The following PIK3CB variants were observed in gnomAD, a reference collection of about 807,000 sequenced individuals.
PIK3CB encodes phosphatidylinositol 4,5-bisphosphate 3-kinase catalytic subunit beta isoform.
PIK3CB carries 39 observed loss-of-function variants against 136.8 expected under a neutral mutation model. The observed-to-expected ratio is 0.29, with a 90% CI of 0.22 to 0.37. The LOEUF is 0.37. Among genes scored for constraint, PIK3CB ranks in the 10% least tolerant of loss-of-function variants. The probability of loss-of-function intolerance (pLI) is 1.00; values close to 1 mark genes in which losing one functional copy is unlikely to be tolerated. For synonymous variants in PIK3CB, 428 were observed against 436.6 expected (o/e 0.98, Z 0.25); for missense variants, 868 against 1,275.4 (o/e 0.68, Z 4.87).
chr3:138,785,124 C>T (rs569157115), intron 2 of PIK3CB, among the ~76,000 whole-genome samples: 151 of 151,732 alleles, frequency 1.0e-3, no homozygotes, highest in African/African-American at 3.6e-3. Flanking sequence ...CTCGGCCAGC[C>T]GCCCCGTCCG....
rs574045623 is a variant in PIK3CB, at chr3:138,656,342, A to G, written c.2943-68T>C. 160 of 1,528,198 alleles carry G rather than the reference A, an allele frequency of 1.0e-4. 1 individual carries two copies. The East Asian group carries it at 2.6e-3, about 25-fold the overall frequency. 94.7% of individuals were successfully genotyped at this position (1,528,198 alleles called of 1,614,324 possible). A position where few individuals can be genotyped will look rare whatever the true frequency, so the allele number is the denominator to read the frequency against. Reference sequence around the variant, plus strand: ...GGAGAGAGCACATTTCATACAGGAAATTAAGAAAACACAGCTAGACTTTCT... The same window carrying G: ...GGAGAGAGCACATTTCATACAGGAAGTTAAGAAAACACAGCTAGACTTTCT... On this transcript the variant is annotated intron_variant, in intron 22 of 23. Coordinates refer to ENST00000674063, the MANE Select transcript of PIK3CB (RefSeq NM_006219.3).
At chr3:138,662,092 T>C (rs80269044) in intron 21 of PIK3CB, among the ~76,000 whole-genome samples, 3,537 of 151,904 alleles carry the variant, frequency 0.023, 326 homozygotes, top group Admixed American at 0.17. Context: ...ATCCCAACTT[T>C]TTTTTTTTAG....
At chr3:138,806,730 G>T (rs2046238379) in intron 1 of PIK3CB, among the ~76,000 whole-genome samples, 1 of 152,122 alleles carries the variant, frequency 6.6e-6, no homozygotes, top group Non-Finnish European at 1.5e-5. Flanking sequence ...TGTATTAGGA[G>T]GATAGTGAGA....
At chr3:138,719,799 T>G (rs994882758) in intron 8 of PIK3CB, among the ~76,000 whole-genome samples, 1 of 152,054 alleles carries the variant, frequency 6.6e-6, no homozygotes, top group African/African-American at 2.4e-5. Flanking sequence ...TTAAACACAT[T>G]ACCAAAAATT....
chr3:138,737,968 A>T, intron 5 of PIK3CB, 82 bp from the exon 6 acceptor site: 2 of 790,992 alleles, frequency 2.5e-6, no homozygotes, highest in Non-Finnish European at 3.9e-6. Context: ...TTATGTAATA[A>T]TATGTACAAA....
At chr3:138,673,648 A>G (rs2043584673) in intron 19 of PIK3CB, among the ~76,000 whole-genome samples, 1 of 152,106 alleles carries the variant, frequency 6.6e-6, no homozygotes, top group Non-Finnish European at 1.5e-5. Flanking sequence ...AAATAAAACA[A>G]AGGCTTGCAG....
intron 4 of PIK3CB, among the ~76,000 whole-genome samples, chr3:138,745,855 G>A (rs780953029): frequency 1.3e-5 from 2 of 152,160 alleles, no homozygotes; most frequent in Non-Finnish European, 2.9e-5. Context: ...ACAGTAGTTA[G>A]CCTTCCTGTC....
chr3:138,775,684 G>C lies in PIK3CB; in HGVS notation c.-16-16325C>G, dbSNP rs187282004. ...CTCACTGCCCCAGCCTATGACCTGT[G>C]CATAATGGGATGAGTACTGGGAGTT... On this transcript the variant is annotated intron_variant, in intron 2 of 23. Coordinates refer to ENST00000674063, the MANE Select transcript of PIK3CB (RefSeq NM_006219.3). Among the ~76,000 whole-genome samples the C allele has an allele frequency of 1.3e-3, 191 of 152,176 alleles. 1 individual carries two copies. The highest frequency in any genetic ancestry group is 2.2e-3 in the Non-Finnish European group (151 of 68,008).
At chr3:138,724,263 T>C (rs1011797930) in intron 8 of PIK3CB, among the ~76,000 whole-genome samples, 1 of 152,178 alleles carries the variant, frequency 6.6e-6, no homozygotes, top group African/African-American at 2.4e-5. Flanking sequence ...TACCCATTTA[T>C]TATAAAGGAT....
At chr3:138,815,829 A>G (rs1933300734) in intron 1 of PIK3CB, among the ~76,000 whole-genome samples, 1 of 152,204 alleles carries the variant, frequency 6.6e-6, no homozygotes, top group Non-Finnish European at 1.5e-5. Flanking sequence ...CCTGAAACCA[A>G]TCCTTCACAG....
At chr3:138,765,034 T>A (rs1050728376) in intron 2 of PIK3CB, among the ~76,000 whole-genome samples, 1 of 152,162 alleles carries the variant, frequency 6.6e-6, no homozygotes, top group Non-Finnish European at 1.5e-5. Flanking sequence ...CCACAGAATT[T>A]GTAAGAAGGA....
intron 1 of PIK3CB, among the ~76,000 whole-genome samples, chr3:138,822,021 C>A (rs1338359640): frequency 6.6e-6 from 1 of 151,830 alleles, no homozygotes; most frequent in Non-Finnish European, 1.5e-5. Flanking sequence ...TGTGGTAGCA[C>A]ACACTTATAA....
intron 21 of PIK3CB, among the ~76,000 whole-genome samples, chr3:138,660,580 C>T (rs2043278901): frequency 6.6e-6 from 1 of 152,016 alleles, no homozygotes; most frequent in Admixed American, 6.6e-5. Flanking sequence ...AGATACTGGT[C>T]AAATAATACA....
chr3:138,778,606 G>T, intron 2 of PIK3CB: 1 of 211,390 alleles, frequency 4.7e-6, no homozygotes, highest in Non-Finnish European at 9.5e-6. Flanking sequence ...AGGTGAAGCA[G>T]GCGTGGGAGG....
rs149400258 is a variant in PIK3CB at position 138,714,470 on chromosome 3, C to G, written c.1300G>C (p.Val434Leu). 3.1e-6 allele frequency: 5 copies of G among 1,602,576 alleles called. No individual in the cohort carries two copies. The change falls in exon 9 of 24, where the codon GTG becomes CTG. Residue 434 changes from valine to leucine, a missense_variant and splice_region_variant. This residue lies in a region of PIK3CB where 612 missense variants were observed against 801.1 expected (regional missense o/e 0.76). Transcript: ENST00000674063. The part of the protein sequence containing the change: ...KYQTIRKAGK[V>L]HYPVAWVNTM... ...CTCAGAAGTTGGTATATCATTACCA[C>G]TTTTCCAGCTTTCCTGATGGTCTGA...
chr3:138,709,580 T>C (rs2044452415), intron 10 of PIK3CB, among the ~76,000 whole-genome samples: 1 of 152,206 alleles, frequency 6.6e-6, no homozygotes, highest in African/African-American at 2.4e-5. Flanking sequence ...GTAGATTATT[T>C]GTAGTTTCTT....
intron 2 of PIK3CB, among the ~76,000 whole-genome samples, chr3:138,769,461 C>CT (rs1316447362): frequency 1.3e-5 from 2 of 152,152 alleles, no homozygotes; most frequent in African/African-American, 4.8e-5. Flanking sequence ...GTATAACTAG[C>CT]TCTTAGTTTT....
chr3:138,793,800 G>A (rs1350204915), intron 2 of PIK3CB, among the ~76,000 whole-genome samples: 3 of 152,004 alleles, frequency 2.0e-5, no homozygotes, highest in African/African-American at 4.8e-5. Flanking sequence ...CAGGAGGATC[G>A]CTTAAGGCTA....
rs2108417836 is a variant in PIK3CB at position 138,663,990 on chromosome 3, G to A, written c.2712C>T (p.Ser904=). Residue 904 remains serine (S), a synonymous_variant, in exon 21 of 24, where the codon TCC becomes TCT. Transcript: ENST00000674063. ...LDRAIEEFTL[S]CAGYCVASYV... ...AAGAAGCTACACAGTAGCCAGCACA[G>A]GACAGTGTAAATTCCTCAATGGCTC... The A allele has an allele frequency of 6.2e-7, 1 of 1,613,854 alleles. No individual in the cohort carries two copies.
Sources: allele counts gnomAD v4.1 joint callset (sites outside exome capture counted in the v4.1 genomes callset), GRCh38; gene constraint gnomAD v4.1.1; regional missense constraint gnomAD v4.1.1; transcripts MANE v1.5; gene names NCBI Gene and HGNC (gene_info 2026-07-23, HGNC 2026-07-21).